FAM20C: variants seen among roughly 807,000 people sequenced by gnomAD.
FAM20C encodes the protein extracellular serine/threonine protein kinase FAM20C.
A neutral mutation model predicts 51.5 loss-of-function variants in FAM20C; 40 were observed. That is an observed-to-expected ratio of 0.78 (90% CI 0.60 to 1.01). FAM20C has a LOEUF of 1.01. FAM20C is among the 50% of genes least tolerant of loss of function. The pLI is 0.00. For synonymous variants in FAM20C, 406 were observed against 380.6 expected (o/e 1.07, Z -0.78); for missense variants, 861 against 844.7 (o/e 1.02, Z -0.24).
At chr7:257,308 G>A (rs1788625423) in intron 8 of FAM20C, 2 of 575,534 alleles carry the variant, frequency 3.5e-6, no homozygotes, top group Non-Finnish European at 6.2e-6. Flanking sequence ...CAGGAATGCT[G>A]CAGACCAAGT....
In FAM20C at chr7:193,182, G is replaced by A. The variant is rs1019826191; in HGVS notation, c.-18G>A. ...CGCGGGCAGAACGCGCTCCAGGCCC[G>A]GGCCGGCCCGCGCGGCCATGAAGAT... is the stretch of plus-strand genomic sequence containing the variant. On this transcript the variant is annotated 5_prime_UTR_variant, in exon 1 of 10. Transcript: ENST00000313766. The A allele has an allele frequency of 2.7e-5, 39 of 1,448,638 alleles. No individual in the cohort carries two copies. The highest frequency in any genetic ancestry group is 2.5e-4 in the African/African-American group (17 of 67,048). The allele number at this position is 1,448,638 out of a possible 1,614,324, so 89.7% of individuals were successfully genotyped here. A position where few individuals can be genotyped will look rare whatever the true frequency, so the allele number is the denominator to read the frequency against.
intron 5 of FAM20C, among the ~76,000 whole-genome samples, chr7:253,638 C>T (rs1276131962): frequency 6.6e-6 from 1 of 152,328 alleles, no homozygotes; most frequent in East Asian, 1.9e-4. Flanking sequence ...GTGATGCCGG[C>T]GTTGCTGGGA....
intron 8 of FAM20C, among the ~76,000 whole-genome samples, chr7:257,892 G>A (rs1329357757): frequency 7.3e-6 from 1 of 137,202 alleles, no homozygotes; most frequent in Admixed American, 7.0e-5. Flanking sequence ...CCACTGCCCA[G>A]GATGCTGGAG....
chr7:232,275 A>G (rs1237080699), intron 3 of FAM20C, among the ~76,000 whole-genome samples: 2 of 152,156 alleles, frequency 1.3e-5, no homozygotes, highest in East Asian at 3.8e-4. Flanking sequence ...GGGTGAGCAG[A>G]CCTTGTGGCT....
intron 3 of FAM20C, among the ~76,000 whole-genome samples, chr7:212,658 G>C (rs549975660): frequency 6.6e-5 from 10 of 152,150 alleles, no homozygotes; most frequent in African/African-American, 2.4e-4. Flanking sequence ...CGTGTGGGGG[G>C]CGGGATCACC....
intron 3 of FAM20C, among the ~76,000 whole-genome samples, chr7:230,163 A>G (rs1045081168): frequency 1.3e-5 from 2 of 152,104 alleles, no homozygotes; most frequent in African/African-American, 4.8e-5. Context: ...CCCAAAATGC[A>G]ATCCCCTGTC....
intron 3 of FAM20C, among the ~76,000 whole-genome samples, chr7:220,833 C>T (rs1449638796): frequency 4.6e-5 from 7 of 152,236 alleles, no homozygotes; most frequent in Non-Finnish European, 8.8e-5. Context: ...ACCCAGCCGT[C>T]ACGCCCTGGG....
intron 9 of FAM20C, 123 bp from the exon 10 acceptor site, chr7:259,608 C>A (rs1398557591): frequency 8.3e-7 from 1 of 1,200,030 alleles, no homozygotes; most frequent in Non-Finnish European, 1.1e-6. Flanking sequence ...CTGTCTCTGT[C>A]CCCCTCTTTC....
At chr7:219,997 G>C (rs28473402) in intron 3 of FAM20C, among the ~76,000 whole-genome samples, 55,928 of 151,976 alleles carry the variant, frequency 0.37, 10,431 homozygotes, top group East Asian at 0.5. Context: ...TGTCCACACT[G>C]GGTGTGGGCC....
intron 3 of FAM20C, among the ~76,000 whole-genome samples, chr7:214,100 T>G (rs982393123): frequency 4.6e-5 from 7 of 152,068 alleles, no homozygotes; most frequent in African/African-American, 1.7e-4. Context: ...CCGAGGCAGG[T>G]GGATCATCTG....
At chr7:259,464 C>CTCTCTG (rs1554256647) in intron 9 of FAM20C, among the ~76,000 whole-genome samples, 4 of 148,698 alleles carry the variant, frequency 2.7e-5, no homozygotes, top group African/African-American at 1.0e-4. Flanking sequence ...CTGTCTCTCT[C>CTCTCTG]TCTGTCTCGG....
At position 202,743 on chromosome 7, in the gene FAM20C, G is replaced by C. The variant is rs1401245325; in HGVS notation, c.785-6155G>C. The stretch of plus-strand genomic sequence containing the variant: ...GGTGGGATTGTACTGGGGAATGGGG[G>C]GGCCCTATGGATATCTTCCAGTGTG... On this transcript the variant is annotated intron_variant, in intron 2 of 9. Transcript: ENST00000313766. Among the ~76,000 whole-genome samples, 77 of 147,192 alleles carry C rather than the reference G, an allele frequency of 5.2e-4. 1 individual carries two copies. The highest frequency in any genetic ancestry group is 5.2e-3 in the Admixed American group (77 of 14,746).
chr7:256,928 T>G, intron 7 of FAM20C, 77 bp from the exon 8 acceptor site: 1 of 1,487,368 alleles, frequency 6.7e-7, no homozygotes, highest in Non-Finnish European at 9.1e-7. Context: ...GAGACGCCGC[T>G]CTGCAGAGCA....
intron 7 of FAM20C, 83 bp downstream of exon 7, chr7:256,846 C>T (rs922474475): frequency 3.1e-5 from 45 of 1,446,800 alleles, no homozygotes; most frequent in African/African-American, 2.1e-4. Context: ...GGGCACACTC[C>T]GTGGCACGGC....
At chr7:222,194 G>C (rs1787258442) in intron 3 of FAM20C, among the ~76,000 whole-genome samples, 1 of 152,164 alleles carries the variant, frequency 6.6e-6, no homozygotes, top group African/African-American at 2.4e-5. Flanking sequence ...TGGAGGTCCA[G>C]GGCAGCTGTG....
At chr7:240,676 C>A (rs972547109) in intron 3 of FAM20C, among the ~76,000 whole-genome samples, 2 of 152,162 alleles carry the variant, frequency 1.3e-5, no homozygotes, top group African/African-American at 4.8e-5. Flanking sequence ...AACACCTGTT[C>A]GGAAGCAAGC....
At chr7:250,534 C>A (rs149403446) in intron 5 of FAM20C, among the ~76,000 whole-genome samples, 36,093 of 152,132 alleles carry the variant, frequency 0.24, 5,299 homozygotes, top group Middle Eastern at 0.38. Flanking sequence ...GGCTCACAGA[C>A]AATTCAGTCC....
chr7:203,507 C>T lies in FAM20C; in HGVS notation c.785-5391C>T, dbSNP rs372384153. Among the ~76,000 whole-genome samples, 104 of 152,322 alleles carry T rather than the reference C, an allele frequency of 6.8e-4. 4 individuals are homozygous for T. The East Asian group carries it at 0.015, about 22-fold the overall frequency. On this transcript the variant is annotated intron_variant, in intron 2 of 9. Transcript: ENST00000313766. ...ACCTCCCACCCATCCCGATGAGCAC[C>T]GAAGGCCTGAGACGCAGGGCAGCTT...
intron 3 of FAM20C, among the ~76,000 whole-genome samples, chr7:235,964 T>A (rs1158447004): frequency 6.6e-6 from 1 of 152,186 alleles, no homozygotes; most frequent in African/African-American, 2.4e-5. Context: ...TCTGATAACA[T>A]CTTTCCACAT....
Sources: gnomAD v4.1 joint callset for allele counts (sites outside exome capture counted in the v4.1 genomes callset) on GRCh38, gnomAD v4.1.1 for gene constraint, MANE v1.5 for transcripts, NCBI Gene and HGNC (gene_info 2026-07-23, HGNC 2026-07-21) for gene names.